NOL10: variants seen among roughly 807,000 people sequenced by gnomAD.
The protein encoded by NOL10 is H_NH0074G24.1.
NOL10 carries 58 observed loss-of-function variants against 103.5 expected under a neutral mutation model. The ratio of observed to expected loss-of-function variants is 0.56; its 90% CI spans 0.45 to 0.70. The LOEUF is 0.70. NOL10 is among the 30% of genes least tolerant of loss of function. NOL10 has a pLI of 0.00. For synonymous variants in NOL10, 287 were observed against 282.5 expected, an observed-to-expected ratio of 1.02 and a Z score of -0.16; for missense variants, 763 against 807.3, an observed-to-expected ratio of 0.95 and a Z score of 0.67.
intron 12 of NOL10, among the ~76,000 whole-genome samples, chr2:10,649,200 G>A (rs565866219): frequency 1.4e-5 from 2 of 147,658 alleles, no homozygotes; most frequent in African/African-American, 5.1e-5. Flanking sequence ...AACAACCACA[G>A]AAGCACAGAG....
chr2:10,670,984 T>C (rs902598647), intron 6 of NOL10, among the ~76,000 whole-genome samples: 4 of 152,238 alleles, frequency 2.6e-5, no homozygotes, highest in Admixed American at 6.5e-5. Flanking sequence ...TTAAATGCTT[T>C]TGTCATTTCA....
chr2:10,603,221 T>C, intron 14 of NOL10, 64 bp from the exon 15 acceptor site: 1 of 1,200,848 alleles, frequency 8.3e-7, no homozygotes, highest in East Asian at 2.5e-5. Context: ...TCAACAGTTT[T>C]TCTTGGGCAA....
At chr2:10,620,133 T>C (rs1309800966) in intron 13 of NOL10, among the ~76,000 whole-genome samples, 1 of 152,228 alleles carries the variant, frequency 6.6e-6, no homozygotes, top group Non-Finnish European at 1.5e-5. Context: ...CAAGAGTTAG[T>C]AACACAGATG....
At chr2:10,657,611 C>T in intron 11 of NOL10, 131 bp downstream of exon 11, 6 of 673,274 alleles carry the variant, frequency 8.9e-6, no homozygotes, top group Non-Finnish European at 1.4e-5. Context: ...AACTGACCTC[C>T]CGCTAAGTTC....
Position 10,679,557 on chromosome 2 carries a change from CCTTTCTTTCCTTTTT to C in NOL10, c.211+2399_211+2413del, listed in dbSNP as rs553033208. ...ACTACCATGTTTCACATTCTTTCTT[CCTTTCTTTCCTTTTT>C]CTTTCTTTCCTTTTTCTTTCCTCTC... On this transcript the variant is annotated intron_variant, in intron 3 of 20. Transcript: ENST00000381685. Among the ~76,000 whole-genome samples, 793 of 152,056 alleles carry C rather than the reference CCTTTCTTTCCTTTTT, an allele frequency of 5.2e-3. 9 individuals carry two copies. The highest frequency in any genetic ancestry group is 0.017 in the African/African-American group (708 of 41,488).
intron 5 of NOL10, among the ~76,000 whole-genome samples, chr2:10,672,507 A>G (rs1229854967): frequency 6.6e-6 from 1 of 152,180 alleles, no homozygotes; most frequent in East Asian, 1.9e-4. Flanking sequence ...CATGTTCCAA[A>G]ACGTATGATA....
intron 13 of NOL10, among the ~76,000 whole-genome samples, chr2:10,610,519 A>T (rs1276698409): frequency 6.6e-6 from 1 of 152,252 alleles, no homozygotes; most frequent in Non-Finnish European, 1.5e-5. Flanking sequence ...ACATTTCCTG[A>T]GTTCCTTTTC....
intron 13 of NOL10, among the ~76,000 whole-genome samples, chr2:10,620,005 C>T (rs1677044845): frequency 1.3e-5 from 2 of 152,212 alleles, no homozygotes; most frequent in Admixed American, 6.5e-5. Context: ...CGCACACATG[C>T]CCCAAGGATG....
intron 8 of NOL10, among the ~76,000 whole-genome samples, chr2:10,666,791 A>G (rs1680592717): frequency 6.6e-6 from 1 of 152,172 alleles, no homozygotes. Flanking sequence ...ACACATATGC[A>G]TATTGGCATA....
At chr2:10,669,845 T>C (rs1211119582) in intron 6 of NOL10, among the ~76,000 whole-genome samples, 2 of 151,558 alleles carry the variant, frequency 1.3e-5, no homozygotes, top group African/African-American at 2.4e-5. Flanking sequence ...TGAGTGGAGA[T>C]TGCACCACTG....
At chr2:10,616,699 C>T (rs558290241) in intron 13 of NOL10, among the ~76,000 whole-genome samples, 48 of 152,220 alleles carry the variant, frequency 3.2e-4, no homozygotes, top group African/African-American at 9.9e-4. Context: ...CAGGTGTGTG[C>T]CACCATGCCC....
chr2:10,587,194 CAT>C (rs1259297214), intron 19 of NOL10, among the ~76,000 whole-genome samples: 724 of 28,772 alleles, frequency 0.025, 197 homozygotes, highest in Middle Eastern at 0.05. Context: ...TATATATACA[CAT>C]ATATATACAC....
rs1429652270 is a variant in NOL10 at position 10,589,474 on chromosome 2, G to T, written c.1596+104C>A. ...AGCCCAATGTCAAACACTTAATATG[G>T]AATTAATTACATCTCAAGTATAATC... On this transcript the variant is annotated intron_variant, in intron 18 of 20. Transcript: ENST00000381685. The T allele has an allele frequency of 9.2e-6, 11 of 1,196,368 alleles. No homozygotes were observed. The East Asian group carries it at 2.7e-4, about 30-fold the overall frequency. 74.1% of individuals were successfully genotyped at this position (1,196,368 alleles called of 1,614,324 possible).
At chr2:10,653,487 G>A (rs889285745) in intron 12 of NOL10, among the ~76,000 whole-genome samples, 1 of 152,156 alleles carries the variant, frequency 6.6e-6, no homozygotes, top group Non-Finnish European at 1.5e-5. Flanking sequence ...CCTTTGCACA[G>A]TGGGTAGACC....
chr2:10,659,538 G>C (rs74450174), intron 9 of NOL10, among the ~76,000 whole-genome samples: 2 of 150,920 alleles, frequency 1.3e-5, no homozygotes, highest in South Asian at 4.2e-4. Context: ...AAAAAAAATA[G>C]CCAGTTGTGG....
chr2:10,575,894 AT>A (rs2148138349), intron 20 of NOL10, among the ~76,000 whole-genome samples: 1 of 152,340 alleles, frequency 6.6e-6, no homozygotes, highest in East Asian at 1.9e-4. Context: ...GTCCCTCTGA[AT>A]GTGTATTTGG....
intron 19 of NOL10, among the ~76,000 whole-genome samples, chr2:10,587,228 C>T (rs55638797): frequency 0.032 from 1,183 of 37,154 alleles, 346 homozygotes; most frequent in Non-Finnish European, 0.039. Flanking sequence ...CATATATATA[C>T]ATATATATAT....
At chr2:10,661,220 C>T (rs1159628324) in intron 9 of NOL10, among the ~76,000 whole-genome samples, 1 of 152,160 alleles carries the variant, frequency 6.6e-6, no homozygotes, top group Non-Finnish European at 1.5e-5. Context: ...GGATTACAGG[C>T]ATGCGCCACC....
At chr2:10,663,543 A>G (rs1406004234) in intron 8 of NOL10, among the ~76,000 whole-genome samples, 2 of 152,218 alleles carry the variant, frequency 1.3e-5, no homozygotes, top group African/African-American at 4.8e-5. Flanking sequence ...AAACATTTTT[A>G]ATACATGTAC....
Sources: allele counts gnomAD v4.1 joint callset (sites outside exome capture counted in the v4.1 genomes callset), GRCh38; gene constraint gnomAD v4.1.1; transcripts MANE v1.5; gene names NCBI Gene and HGNC (gene_info 2026-07-23, HGNC 2026-07-21).